ZNF618: variants seen among roughly 807,000 people sequenced by gnomAD.
The protein encoded by ZNF618 is neural precursor cell expressed, developmentally down-regulated 10.
Under a neutral mutation model 103.0 loss-of-function variants are expected in ZNF618, and 34 were observed. The observed-to-expected ratio is 0.33, with a 90% CI of 0.25 to 0.44. The LOEUF is 0.44. ZNF618 is among the 20% of genes least tolerant of loss of function. The probability of loss-of-function intolerance (pLI) is 1.00; values close to 1 mark genes in which losing one functional copy is unlikely to be tolerated. For synonymous variants in ZNF618, 551 were observed against 542.2 expected (o/e 1.02, Z -0.23); for missense variants, 1,059 against 1,295.4 (o/e 0.82, Z 2.80).
At chr9:114,044,515 G>T (rs1845491496) in intron 13 of ZNF618, among the ~76,000 whole-genome samples, 2 of 152,050 alleles carry the variant, frequency 1.3e-5, no homozygotes, top group Non-Finnish European at 2.9e-5. Flanking sequence ...CTTTGCTTTG[G>T]CTATGCAAGC....
intron 13 of ZNF618, among the ~76,000 whole-genome samples, chr9:114,044,042 C>A (rs971717602): frequency 6.6e-6 from 1 of 152,130 alleles, no homozygotes; most frequent in African/African-American, 2.4e-5. Context: ...TGTGCTGAAG[C>A]TTTTGTGTTT....
chr9:114,005,349 C>T (rs1340822269), intron 6 of ZNF618, among the ~76,000 whole-genome samples: 18 of 152,234 alleles, frequency 1.2e-4, no homozygotes, highest in Non-Finnish European at 2.9e-5. Context: ...GGGGATAACC[C>T]TCTTGGCCTA....
Position 114,050,238 on chromosome 9 carries a change from C to G in ZNF618, c.*71C>G. 6.8e-7 allele frequency: 1 copy of G among 1,475,708 alleles called. No individual in the cohort carries two copies. Among genetic ancestry groups the G allele is most frequent in the Admixed American group, 2.3e-5 (1 of 43,844 alleles). The allele number at this position is 1,475,708 out of a possible 1,614,324, so 91.4% of individuals were successfully genotyped here. ...AGAAAAAAACCACACAACACTGTCA[C>G]AAAGAAAAGGAATTTAAGTTCTAAA... On this transcript the variant is annotated 3_prime_UTR_variant, in exon 15 of 15. Coordinates refer to ENST00000374126, the MANE Select transcript of ZNF618 (RefSeq NM_001318042.2).
chr9:113,911,293 C>T (rs769500197), intron 1 of ZNF618, among the ~76,000 whole-genome samples: 6 of 152,132 alleles, frequency 3.9e-5, no homozygotes, highest in Non-Finnish European at 7.4e-5. Context: ...CAGATGTTGA[C>T]ACTTTTGACA....
chr9:113,891,369 C>T (rs935446043), intron 1 of ZNF618, among the ~76,000 whole-genome samples: 5 of 152,144 alleles, frequency 3.3e-5, no homozygotes, highest in Non-Finnish European at 7.4e-5. Flanking sequence ...AAGAAATATA[C>T]AGATGGCCAG....
At chr9:114,041,253 A>G (rs1337779716) in intron 13 of ZNF618, among the ~76,000 whole-genome samples, 1 of 152,164 alleles carries the variant, frequency 6.6e-6, no homozygotes. Flanking sequence ...AGTAGATTGC[A>G]AAAATTTTCT....
intron 2 of ZNF618, among the ~76,000 whole-genome samples, chr9:113,983,752 G>A (rs961623245): frequency 2.6e-5 from 4 of 152,196 alleles, no homozygotes; most frequent in Non-Finnish European, 5.9e-5. Context: ...AAAGGATGGG[G>A]AGTCTGGAGA....
intron 2 of ZNF618, among the ~76,000 whole-genome samples, chr9:113,974,581 T>C (rs1363878213): frequency 6.6e-6 from 1 of 152,048 alleles, no homozygotes; most frequent in Non-Finnish European, 1.5e-5. Flanking sequence ...TAGAGCTGAG[T>C]TTCTTAAGGG....
intron 1 of ZNF618, among the ~76,000 whole-genome samples, chr9:113,932,285 A>C (rs1833654620): frequency 6.6e-6 from 1 of 152,118 alleles, no homozygotes; most frequent in Non-Finnish European, 1.5e-5. Context: ...GTGAGTGCAA[A>C]GGTTGGAATG....
At chr9:113,887,540 C>CTT (rs1554717423) in intron 1 of ZNF618, among the ~76,000 whole-genome samples, 1 of 152,158 alleles carries the variant, frequency 6.6e-6, no homozygotes, top group African/African-American at 2.4e-5. Context: ...ACATTGGGGG[C>CTT]TGTGGACTTT....
chr9:114,036,062 T>C (rs1039304036), intron 12 of ZNF618, among the ~76,000 whole-genome samples: 1 of 152,200 alleles, frequency 6.6e-6, no homozygotes, highest in African/African-American at 2.4e-5. Context: ...ACTCAATAAA[T>C]AGCTGCTCAA....
At chr9:113,995,945 G>T (rs1418437403) in intron 3 of ZNF618, among the ~76,000 whole-genome samples, 1 of 152,184 alleles carries the variant, frequency 6.6e-6, no homozygotes. Flanking sequence ...AAGAACCAGC[G>T]AGTGGGGCCT....
chr9:113,974,095 T>C (rs1332675673), intron 2 of ZNF618, among the ~76,000 whole-genome samples: 2 of 152,196 alleles, frequency 1.3e-5, no homozygotes, highest in Non-Finnish European at 2.9e-5. Flanking sequence ...AGAGCTGATG[T>C]TGTAGTGGGA....
At chr9:113,893,855 T>G (rs1403578448) in intron 1 of ZNF618, among the ~76,000 whole-genome samples, 1 of 152,182 alleles carries the variant, frequency 6.6e-6, no homozygotes, top group Non-Finnish European at 1.5e-5. Context: ...TTAACACATT[T>G]CCATATTTCC....
chr9:114,035,855 G>A (rs1257172554), intron 12 of ZNF618, among the ~76,000 whole-genome samples: 2 of 151,896 alleles, frequency 1.3e-5, no homozygotes, highest in Non-Finnish European at 1.5e-5. Context: ...TGTTACCTTG[G>A]TTTTTATTCA....
chr9:113,988,463 G>C lies in ZNF618; in HGVS notation c.220G>C (p.Val74Leu). The change falls in exon 3 of 15, where the codon GTG becomes CTG. Residue 74 changes from valine (V) to leucine (L), a missense_variant. Physicochemically the swap from Val to Leu is conservative, Grantham distance 32 (BLOSUM62 1). Around this residue, in one of 6 missense-constraint regions of ZNF618, gnomAD observed 194 missense variants for 209.0 expected, o/e 0.93. Transcript: ENST00000374126. ...GCTGCCCGATGACTACATCCAGGAG[G>C]TGATCTGGCAGGGCGAGGCCAAGGA... Reference protein sequence around the residue: ...TELPDDYIQEVIWQGEAKEEK... With the variant: ...TELPDDYIQELIWQGEAKEEK... The C allele has an allele frequency of 6.2e-7, 1 of 1,613,666 alleles. No homozygotes were observed. Among genetic ancestry groups the C allele is most frequent in the Non-Finnish European group, 8.5e-7 (1 of 1,179,904 alleles).
chr9:113,953,846 A>AT (rs1038762279), intron 1 of ZNF618, among the ~76,000 whole-genome samples: 1 of 84,282 alleles, frequency 1.2e-5, no homozygotes, highest in East Asian at 3.8e-4. Context: ...GGAAAGATGG[A>AT]TGTCCAGCTG....
chr9:113,959,814 G>A (rs1836675021), intron 1 of ZNF618, among the ~76,000 whole-genome samples: 1 of 152,114 alleles, frequency 6.6e-6, no homozygotes, highest in South Asian at 2.1e-4. Flanking sequence ...TCGCCATGTT[G>A]GCCAGGCTGG....
At chr9:113,932,992 A>G (rs993664164) in intron 1 of ZNF618, among the ~76,000 whole-genome samples, 3 of 152,172 alleles carry the variant, frequency 2.0e-5, no homozygotes, top group Non-Finnish European at 4.4e-5. Context: ...GAGGAGGAGG[A>G]ACCGGTCAAT....
Sources: allele counts gnomAD v4.1 joint callset (sites outside exome capture counted in the v4.1 genomes callset), GRCh38; gene constraint gnomAD v4.1.1; regional missense constraint gnomAD v4.1.1; transcripts MANE v1.5; gene names NCBI Gene and HGNC (gene_info 2026-07-23, HGNC 2026-07-21).